The following STAG1 variants were observed in gnomAD, a reference collection of about 807,000 sequenced individuals.
STAG1 encodes cohesin subunit SA-1.
STAG1 carries 26 observed loss-of-function variants against 170.9 expected under a neutral mutation model. That is an observed-to-expected ratio of 0.15 (90% confidence interval 0.11 to 0.21). The LOEUF is 0.21. STAG1 is among the 10% of genes least tolerant of loss of function. STAG1 has a pLI of 1.00. For missense variants in STAG1, 964 were observed against 1,509.5 expected (o/e 0.64, Z 5.99); for synonymous variants, 514 against 497.7 (o/e 1.03, Z -0.44).
At chr3:136,346,862 A>C (rs1375096031) in intron 29 of STAG1, among the ~76,000 whole-genome samples, 1 of 152,184 alleles carries the variant, frequency 6.6e-6, no homozygotes, top group Non-Finnish European at 1.5e-5. Context: ...ACTTTGGGAC[A>C]CTGAGGCATG....
chr3:136,486,974 C>A (rs1288049592), intron 9 of STAG1, among the ~76,000 whole-genome samples: 1 of 111,390 alleles, frequency 9.0e-6, no homozygotes, highest in Non-Finnish European at 1.7e-5. Flanking sequence ...TCTCTGTATG[C>A]AATGCCGATT....
intron 3 of STAG1, among the ~76,000 whole-genome samples, chr3:136,606,433 C>G (rs1938941842): frequency 6.6e-6 from 1 of 152,162 alleles, no homozygotes; most frequent in Admixed American, 6.5e-5. Context: ...AAGTGATCCA[C>G]CCACCTCACC....
chr3:136,699,284 G>A (rs1403830760), intron 1 of STAG1, among the ~76,000 whole-genome samples: 1 of 152,160 alleles, frequency 6.6e-6, no homozygotes, highest in Non-Finnish European at 1.5e-5. Context: ...GGAAGAAAAT[G>A]TCTTTGCTGA....
At chr3:136,519,443 C>G (rs543131626) in intron 7 of STAG1, among the ~76,000 whole-genome samples, 1 of 152,144 alleles carries the variant, frequency 6.6e-6, no homozygotes, top group East Asian at 1.9e-4. Flanking sequence ...CCTTGGGAAA[C>G]CCAGATAATA....
In STAG1 at chr3:136,341,629, A is replaced by C; in HGVS notation, c.3447-78T>G. ...AATGAGCCCCAAGCTAAGAAAGCCAAGGTAGGTTTACTTAATCCCATGTTG... is the reference window on the plus strand; with the variant it reads ...AATGAGCCCCAAGCTAAGAAAGCCACGGTAGGTTTACTTAATCCCATGTTG... On this transcript the variant is annotated intron_variant, in intron 30 of 33. Transcript: ENST00000383202. 3 of 918,638 alleles carry C rather than the reference A, an allele frequency of 3.3e-6. No homozygotes were observed. In the Admixed American group the frequency reaches 6.0e-5, roughly 18 times the overall value. 56.9% of individuals were successfully genotyped at this position (918,638 alleles called of 1,614,324 possible).
At chr3:136,478,982 C>T (rs1213533674) in intron 9 of STAG1, among the ~76,000 whole-genome samples, 1 of 151,268 alleles carries the variant, frequency 6.6e-6, no homozygotes, top group Non-Finnish European at 1.5e-5. Context: ...AATAAAATCA[C>T]TTAATACAAA....
intron 1 of STAG1, among the ~76,000 whole-genome samples, chr3:136,642,515 C>T (rs758989595): frequency 1.3e-5 from 2 of 152,028 alleles, no homozygotes; most frequent in African/African-American, 2.4e-5. Context: ...ATCCACCCGC[C>T]TCGGCCTCCC....
intron 1 of STAG1, among the ~76,000 whole-genome samples, chr3:136,635,972 G>C (rs1361191073): frequency 6.6e-6 from 1 of 152,182 alleles, no homozygotes; most frequent in Non-Finnish European, 1.5e-5. Flanking sequence ...CAGAGGCCGG[G>C]CACCATGGCT....
intron 6 of STAG1, among the ~76,000 whole-genome samples, chr3:136,529,283 G>C (rs1576572702): frequency 6.6e-6 from 1 of 152,152 alleles, no homozygotes; most frequent in Non-Finnish European, 1.5e-5. Flanking sequence ...AAGAGATACA[G>C]ACATTTAGAT....
intron 26 of STAG1, among the ~76,000 whole-genome samples, chr3:136,361,201 G>GTTTTTA (rs1400533592): frequency 6.6e-6 from 1 of 152,190 alleles, no homozygotes; most frequent in East Asian, 1.9e-4. Context: ...TACAGCTAAA[G>GTTTTTA]TTTTTATTTT....
chr3:136,402,144 T>C (rs2087345389), intron 21 of STAG1, among the ~76,000 whole-genome samples: 1 of 152,172 alleles, frequency 6.6e-6, no homozygotes, highest in Non-Finnish European at 1.5e-5. Context: ...AGATAATAAG[T>C]TAAAAGGAAA....
chr3:136,657,195 T>C (rs879452961), intron 1 of STAG1, among the ~76,000 whole-genome samples: 32,388 of 127,078 alleles, frequency 0.25, 3,576 homozygotes, highest in African/African-American at 0.34. Context: ...CTTTCTTTTT[T>C]TTTTTTTTTT....
intron 16 of STAG1, among the ~76,000 whole-genome samples, chr3:136,431,802 C>A (rs1414921810): frequency 6.6e-6 from 1 of 151,410 alleles, no homozygotes; most frequent in Non-Finnish European, 1.5e-5. Context: ...TTGCTACTGC[C>A]CTCTACATTA....
At chr3:136,364,906 AG>A (rs1274934413) in intron 25 of STAG1, among the ~76,000 whole-genome samples, 1 of 152,228 alleles carries the variant, frequency 6.6e-6, no homozygotes, top group Non-Finnish European at 1.5e-5. Context: ...GGATCCTTTT[AG>A]TGCAAAGAAG....
chr3:136,382,571 A>AT (rs548636084), intron 22 of STAG1, among the ~76,000 whole-genome samples: 1 of 151,030 alleles, frequency 6.6e-6, no homozygotes, highest in Non-Finnish European at 1.5e-5. Flanking sequence ...CCCAGCTACT[A>AT]TTTTTTTTCT....
intron 1 of STAG1, among the ~76,000 whole-genome samples, chr3:136,673,172 C>A (rs1253176387): frequency 2.0e-5 from 3 of 152,148 alleles, no homozygotes; most frequent in Non-Finnish European, 4.4e-5. Context: ...TTTTAAATTT[C>A]TAGAAGCAGC....
intron 14 of STAG1, among the ~76,000 whole-genome samples, chr3:136,445,495 T>C (rs1225176839): frequency 2.0e-5 from 3 of 151,894 alleles, no homozygotes; most frequent in Non-Finnish European, 4.4e-5. Context: ...AAATAAAGAG[T>C]TTCAGTTTGG....
chr3:136,657,001 T>C (rs950897116), intron 1 of STAG1, among the ~76,000 whole-genome samples: 3 of 151,450 alleles, frequency 2.0e-5, no homozygotes, highest in Non-Finnish European at 2.9e-5. Context: ...TGAACTACTT[T>C]ATAATAGCCA....
At chr3:136,408,156 T>C (rs1241398632) in intron 21 of STAG1, among the ~76,000 whole-genome samples, 1 of 152,242 alleles carries the variant, frequency 6.6e-6, no homozygotes, top group East Asian at 1.9e-4. Context: ...TCATAAATGC[T>C]ACAATGAACA....
Sources: allele counts gnomAD v4.1 joint callset (sites outside exome capture counted in the v4.1 genomes callset), GRCh38; gene constraint gnomAD v4.1.1; transcripts MANE v1.5; gene names NCBI Gene and HGNC (gene_info 2026-07-23, HGNC 2026-07-21).